TJP1: variants seen among roughly 807,000 people sequenced by gnomAD.
TJP1 encodes the protein tight junction protein ZO-1.
TJP1 carries 43 observed loss-of-function variants against 194.2 expected under a neutral mutation model. The observed-to-expected ratio is 0.22, with a 90% CI of 0.17 to 0.29. The LOEUF is 0.29. Ranked by LOEUF, TJP1 falls within the 10% of genes least tolerant of loss-of-function variation. The pLI is 1.00. For synonymous variants in TJP1, 801 were observed against 779.0 expected (o/e 1.03, Z -0.47); for missense variants, 1,971 against 2,185.7 (o/e 0.90, Z 1.96).
At chr15:29,801,857 TACACTA>T (rs2048812103) in intron 1 of TJP1, among the ~76,000 whole-genome samples, 1 of 150,698 alleles carries the variant, frequency 6.6e-6, no homozygotes, top group Non-Finnish European at 1.5e-5. Context: ...ACACATAAAA[TACACTA>T]ACACTAATGA....
chr15:29,718,604 A>G lies in TJP1; in HGVS notation c.3538T>C (p.Ser1180Pro), dbSNP rs887848537. 38 of 1,613,940 alleles carry G rather than the reference A, an allele frequency of 2.4e-5. No homozygotes were observed. Among genetic ancestry groups the G allele is most frequent in the Non-Finnish European group, 3.1e-5 (37 of 1,180,022 alleles). Residue 1180 changes from serine (S) to proline (P), a missense_variant, in exon 21 of 28, where the codon TCA (serine) becomes CCA (proline). Transcript: ENST00000614355. The stretch of plus-strand genomic sequence containing the variant: ...GACTCTGCAGGCTTGGGCCCTGCTG[A>G]AGGGTGGGGCTGGGCTTCCGGTCTG... ...RLRPEAQPHP[S>P]AGPKPAESKQ...
At chr15:29,769,217 G>A (rs960329589) in intron 4 of TJP1, among the ~76,000 whole-genome samples, 2 of 152,028 alleles carry the variant, frequency 1.3e-5, no homozygotes, top group African/African-American at 4.8e-5. Context: ...ACAGGTAAAT[G>A]AAAAAACAAA....
intron 2 of TJP1, among the ~76,000 whole-genome samples, chr15:29,893,720 C>A (rs2053386901): frequency 6.6e-6 from 1 of 152,076 alleles, no homozygotes; most frequent in South Asian, 2.1e-4. Context: ...AATTAATAAA[C>A]TATAGTATAG....
chr15:29,734,871 TA>T (rs2043924005), intron 11 of TJP1, among the ~76,000 whole-genome samples: 1 of 151,926 alleles, frequency 6.6e-6, no homozygotes, highest in Non-Finnish European at 1.5e-5. Context: ...CAGAAACAAA[TA>T]AAGTGAGTTA....
chr15:29,722,340 G>C (rs189430348), intron 18 of TJP1, among the ~76,000 whole-genome samples: 90 of 152,328 alleles, frequency 5.9e-4, no homozygotes, highest in Non-Finnish European at 1.2e-3. Flanking sequence ...ATGGTGCCCT[G>C]CATCATGGCT....
chr15:29,855,279 C>T (rs1361244409), intron 2 of TJP1, among the ~76,000 whole-genome samples: 1 of 152,104 alleles, frequency 6.6e-6, no homozygotes, highest in South Asian at 2.1e-4. Context: ...CTGTAAGGTA[C>T]AAGTTAGTCT....
At chr15:29,885,082 T>C (rs1349347048) in intron 2 of TJP1, among the ~76,000 whole-genome samples, 1 of 152,206 alleles carries the variant, frequency 6.6e-6, no homozygotes, top group East Asian at 1.9e-4. Flanking sequence ...ATTTTAGGTA[T>C]GGAATCTCTA....
exon 1 of TJP1, chr15:29,968,763 T>G (rs1413307182): frequency 1.6e-6 from 2 of 1,228,160 alleles, no homozygotes; most frequent in Non-Finnish European, 2.1e-6. Context: ...GTACTTCATC[T>G]TGTCCCCGCT....
chr15:29,710,084 T>C (rs1298573148), intron 24 of TJP1, among the ~76,000 whole-genome samples: 2 of 151,842 alleles, frequency 1.3e-5, no homozygotes, highest in Non-Finnish European at 1.5e-5. Context: ...AGGCAGAGGT[T>C]GCAGTGAGCT....
At chr15:29,716,989 G>A (rs1433387422) in intron 22 of TJP1, 151 bp from the exon 23 acceptor site, 3 of 697,102 alleles carry the variant, frequency 4.3e-6, no homozygotes, top group African/African-American at 3.6e-5. Flanking sequence ...AGTTAAAATG[G>A]ATATTTCAAA....
chr15:29,931,907 C>CT (rs34251778), intron 2 of TJP1, among the ~76,000 whole-genome samples: 1 of 152,188 alleles, frequency 6.6e-6, no homozygotes, highest in African/African-American at 2.4e-5. Context: ...CATGCCTACC[C>CT]TTTTTACACC....
chr15:29,756,097 C>T (rs931059087), intron 8 of TJP1, among the ~76,000 whole-genome samples: 4 of 152,016 alleles, frequency 2.6e-5, no homozygotes, highest in Admixed American at 2.6e-4. Context: ...ATCAAATACT[C>T]TCTACTTATG....
intron 24 of TJP1, among the ~76,000 whole-genome samples, chr15:29,710,125 G>A (rs931042851): frequency 4.0e-5 from 6 of 151,796 alleles, no homozygotes; most frequent in Non-Finnish European, 5.9e-5. Flanking sequence ...TAGCCTGGGC[G>A]AGAGCAAGGC....
chr15:29,779,754 G>A (rs1009736595), intron 2 of TJP1, among the ~76,000 whole-genome samples: 1 of 152,126 alleles, frequency 6.6e-6, no homozygotes, highest in Non-Finnish European at 1.5e-5. Context: ...AGCAATGAGA[G>A]TAGGCATGAA....
At chr15:29,777,679 G>A (rs566213197) in intron 2 of TJP1, among the ~76,000 whole-genome samples, 1 of 149,018 alleles carries the variant, frequency 6.7e-6, no homozygotes, top group Non-Finnish European at 1.5e-5. Flanking sequence ...TTTCAGGAGA[G>A]GAATTTGGCA....
intron 23 of TJP1, among the ~76,000 whole-genome samples, chr15:29,714,382 G>A (rs543272303): frequency 6.6e-6 from 1 of 151,340 alleles, no homozygotes; most frequent in East Asian, 2.0e-4. Flanking sequence ...GGGACTACAG[G>A]CACCTGCCAC....
intron 1 of TJP1, among the ~76,000 whole-genome samples, chr15:29,816,701 T>C (rs2049950640): frequency 6.6e-6 from 1 of 152,228 alleles, no homozygotes; most frequent in African/African-American, 2.4e-5. Context: ...ATGTAATGAC[T>C]GACTCTTGTC....
At chr15:29,763,456 T>C (rs1309148263) in intron 5 of TJP1, among the ~76,000 whole-genome samples, 3 of 152,166 alleles carry the variant, frequency 2.0e-5, no homozygotes, top group Non-Finnish European at 2.9e-5. Context: ...AACAGACCTA[T>C]TACCTAAGTG....
chr15:29,911,556 C>A lies in TJP1; in HGVS notation c.306+44676G>T, dbSNP rs960468053. Among the ~76,000 whole-genome samples the A allele has an allele frequency of 2.6e-5, 4 of 152,082 alleles. No homozygotes were observed. The East Asian group carries it at 7.7e-4, about 29-fold the overall frequency. ...GAAGGCAAAGGGGAAGCATGCACAT[C>A]TTCACATGGCCAGCAGGAGAGAGCA... On this transcript the variant is annotated intron_variant, in intron 2 of 28. Transcript: ENST00000356107.
Sources: allele counts gnomAD v4.1 joint callset (sites outside exome capture counted in the v4.1 genomes callset), GRCh38; gene constraint gnomAD v4.1.1; transcripts MANE v1.5; gene names NCBI Gene and HGNC (gene_info 2026-07-23, HGNC 2026-07-21).